The following LRP1B variants were observed in gnomAD, a reference collection of about 807,000 sequenced individuals.
The protein encoded by LRP1B is low-density lipoprotein receptor-related protein 1B.
Under a neutral mutation model 556.6 loss-of-function variants are expected in LRP1B, and 217 were observed. The ratio of observed to expected loss-of-function variants is 0.39; its 90% CI spans 0.35 to 0.44. LRP1B has a LOEUF of 0.44. LRP1B is among the 20% of genes least tolerant of loss of function. The probability of loss-of-function intolerance (pLI) is 1.00; values close to 1 mark genes in which losing one functional copy is unlikely to be tolerated. For missense variants in LRP1B, 5,053 were observed against 5,620.8 expected (o/e 0.90, Z 3.23); for synonymous variants, 2,047 against 1,865.8 (o/e 1.10, Z -2.50).
chr2:140,479,585 A>G (rs1289813248), intron 59 of LRP1B, among the ~76,000 whole-genome samples: 1 of 152,132 alleles, frequency 6.6e-6, no homozygotes, highest in Non-Finnish European at 1.5e-5. Context: ...GATTAAATAG[A>G]AGTCTTTCTC....
intron 2 of LRP1B, among the ~76,000 whole-genome samples, chr2:141,752,943 C>CGGAAAAAA (rs1694170368): frequency 1.0e-3 from 1 of 994 alleles, no homozygotes; most frequent in Non-Finnish European, 2.6e-3. Context: ...GACCCTGTCT[C>CGGAAAAAA]AGAAAAAAAA....
In LRP1B at chr2:140,381,489, A is replaced by C. The variant is rs577671215; in HGVS notation, c.10532-3203T>G. The stretch of plus-strand genomic sequence containing the variant: ...GTTTTCCATAAACCTCATCTAGACA[A>C]GCCAGATTGGCAACCAAGAAGCTTT... On this transcript the variant is annotated intron_variant, in intron 67 of 90. Transcript: ENST00000389484. Among the ~76,000 whole-genome samples the C allele has an allele frequency of 3.9e-5, 6 of 152,260 alleles. No individual in the cohort carries two copies. The South Asian group carries it at 1.2e-3, about 32-fold the overall frequency.
chr2:140,642,338 T>G lies in LRP1B; in HGVS notation c.6800-40699A>C, dbSNP rs78339007. Reference sequence around the variant, plus strand: ...TATGCTTCATCCAGAAAACTTCGAGTGCGTCTCCTGAGATTTTGGTGAGCC... The same window carrying G: ...TATGCTTCATCCAGAAAACTTCGAGGGCGTCTCCTGAGATTTTGGTGAGCC... On this transcript the variant is annotated intron_variant, in intron 41 of 90. Transcript: ENST00000389484. 7.2e-5 allele frequency among the ~76,000 whole-genome samples: 11 copies of G among 152,252 alleles called. No individual in the cohort carries two copies. The East Asian group carries it at 1.4e-3, about 19-fold the overall frequency.
intron 7 of LRP1B, among the ~76,000 whole-genome samples, chr2:141,109,950 T>G (rs913123132): frequency 2.0e-5 from 3 of 152,176 alleles, no homozygotes; most frequent in African/African-American, 7.2e-5. Flanking sequence ...ATAGCCCACT[T>G]AAGCCCAAAC....
At chr2:141,689,720 T>C (rs1285618236) in intron 2 of LRP1B, among the ~76,000 whole-genome samples, 1 of 151,790 alleles carries the variant, frequency 6.6e-6, no homozygotes, top group East Asian at 1.9e-4. Context: ...AAAACTTCCT[T>C]GATAAAGGTT....
At chr2:140,637,259 A>C (rs187433200) in intron 41 of LRP1B, among the ~76,000 whole-genome samples, 236 of 152,298 alleles carry the variant, frequency 1.5e-3, no homozygotes, top group African/African-American at 5.6e-3. Context: ...AATTGCTATT[A>C]ACCAGAGGAA....
chr2:142,038,624 C>G (rs1449490), intron 1 of LRP1B, among the ~76,000 whole-genome samples: 65,259 of 151,258 alleles, frequency 0.43, 15,974 homozygotes, highest in East Asian at 0.67. Flanking sequence ...AGCCCTTTTA[C>G]TGAATGTAGG....
At chr2:140,389,495 T>C (rs1573879038) in intron 66 of LRP1B, among the ~76,000 whole-genome samples, 1 of 150,936 alleles carries the variant, frequency 6.6e-6, no homozygotes, top group South Asian at 2.1e-4. Context: ...TTTTATATGT[T>C]AGCAATAAAC....
intron 3 of LRP1B, among the ~76,000 whole-genome samples, chr2:141,271,883 G>T (rs1685106626): frequency 6.6e-6 from 1 of 151,542 alleles, no homozygotes; most frequent in African/African-American, 2.4e-5. Context: ...TAAAAATTAT[G>T]TACATAATTG....
chr2:140,302,818 C>T (rs1573757703), intron 83 of LRP1B, among the ~76,000 whole-genome samples: 1 of 151,840 alleles, frequency 6.6e-6, no homozygotes, highest in Non-Finnish European at 1.5e-5. Context: ...GAATTGCTTC[C>T]TCCTCCCACC....
chr2:140,793,601 CA>C (rs1406814282), intron 32 of LRP1B, among the ~76,000 whole-genome samples: 2 of 151,906 alleles, frequency 1.3e-5, no homozygotes, highest in African/African-American at 4.8e-5. Context: ...AATATTGTCA[CA>C]AATGAATGAT....
At chr2:141,607,706 T>C (rs1332428880) in intron 2 of LRP1B, among the ~76,000 whole-genome samples, 1 of 151,398 alleles carries the variant, frequency 6.6e-6, no homozygotes, top group Non-Finnish European at 1.5e-5. Flanking sequence ...ATTGATTGTT[T>C]GAGTTCAGGA....
chr2:141,495,497 A>G (rs955663284), intron 2 of LRP1B, among the ~76,000 whole-genome samples: 1 of 152,166 alleles, frequency 6.6e-6, no homozygotes, highest in African/African-American at 2.4e-5. Context: ...AATTCATAAC[A>G]TGACTCTTGA....
intron 54 of LRP1B, among the ~76,000 whole-genome samples, chr2:140,502,384 T>C (rs931731610): frequency 4.0e-5 from 6 of 151,866 alleles, no homozygotes; most frequent in Non-Finnish European, 7.4e-5. Context: ...CTATGGAAAA[T>C]AGCTGGATGA....
intron 2 of LRP1B, among the ~76,000 whole-genome samples, chr2:141,762,892 C>T (rs1694608083): frequency 6.6e-6 from 1 of 152,344 alleles, no homozygotes; most frequent in East Asian, 1.9e-4. Context: ...ATCCCAATCT[C>T]TCTTTCTATA....
intron 36 of LRP1B, 51 bp downstream of exon 36, chr2:140,716,631 C>A (rs1444561228): frequency 1.3e-6 from 2 of 1,534,418 alleles, no homozygotes; most frequent in African/African-American, 1.4e-5. Context: ...GCAGTTTGAG[C>A]CCCTAACAAA....
At chr2:141,643,199 C>T (rs1689411391) in intron 2 of LRP1B, among the ~76,000 whole-genome samples, 1 of 152,134 alleles carries the variant, frequency 6.6e-6, no homozygotes, top group South Asian at 2.1e-4. Flanking sequence ...TGGTACTCTG[C>T]AATGGCATGC....
chr2:142,002,823 C>G (rs550021480), intron 1 of LRP1B, among the ~76,000 whole-genome samples: 1 of 152,196 alleles, frequency 6.6e-6, no homozygotes, highest in African/African-American at 2.4e-5. Flanking sequence ...TAGTGGGTGG[C>G]AGGGAACAGA....
intron 60 of LRP1B, among the ~76,000 whole-genome samples, chr2:140,467,258 T>C (rs1484917262): frequency 6.6e-6 from 1 of 152,050 alleles, no homozygotes; most frequent in African/African-American, 2.4e-5. Context: ...GGTGCTATGG[T>C]CTTAACGTTG....
Sources: allele counts gnomAD v4.1 joint callset (sites outside exome capture counted in the v4.1 genomes callset), GRCh38; gene constraint gnomAD v4.1.1; transcripts MANE v1.5; gene names NCBI Gene and HGNC (gene_info 2026-07-23, HGNC 2026-07-21).